The following ABCC4 variants were observed in gnomAD, a reference collection of about 807,000 sequenced individuals.
The protein encoded by ABCC4 is ATP binding cassette subfamily C member 4 (PEL blood group).
In ABCC4, 102 loss-of-function variants were observed where a neutral mutation model predicts 168.5. The observed-to-expected ratio is 0.61, with a 90% CI of 0.52 to 0.71. ABCC4 has a LOEUF of 0.71. Among genes scored for constraint, ABCC4 ranks in the 30% least tolerant of loss-of-function variants. The pLI, the probability that ABCC4 is intolerant of heterozygous loss-of-function variation, is 0.00. For synonymous variants in ABCC4, 617 were observed against 590.7 expected (o/e 1.04, Z -0.65); for missense variants, 1,402 against 1,605.8 (o/e 0.87, Z 2.17).
chr13:95,186,746 T>C lies in ABCC4; in HGVS notation c.1500A>G (p.Glu500=). 1 of 1,614,126 alleles carries C rather than the reference T, an allele frequency of 6.2e-7. No individual in the cohort carries two copies. Among genetic ancestry groups the C allele is most frequent in the Non-Finnish European group, 8.5e-7 (1 of 1,180,020 alleles). The change falls in exon 11 of 31, where the codon GAA becomes GAG. Residue 500 remains glutamate (E), a synonymous_variant. Coordinates refer to ENST00000645237, the MANE Select transcript of ABCC4 (RefSeq NM_005845.5). ...TTATGACTTTTTCATATCGTTCCTTTTCGTATTTCTTCCCAAATAAAATAT... is the reference window on the plus strand; with the variant it reads ...TTATGACTTTTTCATATCGTTCCTTCTCGTATTTCTTCCCAAATAAAATAT... ...RSNILFGKKY[E]KERYEKVIKA...
rs780430521 is a variant in ABCC4 at position 95,178,040 on chromosome 13, T to C, written c.1597A>G (p.Thr533Ala). The C allele has an allele frequency of 1.9e-6, 3 of 1,614,200 alleles. No individual in the cohort carries two copies. The highest frequency in any genetic ancestry group is 2.5e-6 in the Non-Finnish European group (3 of 1,180,026). Residue 533 changes from threonine to alanine, a missense_variant, in exon 12 of 31, where the codon ACC becomes GCC. Physicochemically the swap from Thr to Ala is moderately conservative, Grantham distance 58. Around this residue, in one of 3 missense-constraint regions of ABCC4, gnomAD observed 1,007 missense variants for 1,127.3 expected, o/e 0.89. Coordinates refer to ENST00000645237, the MANE Select transcript of ABCC4 (RefSeq NM_005845.5). ...GCTTTCTGCCCTCCACTCAGCGTGG[T>C]TCCCCGATCTCCTATCACAGTCAGA... is the stretch of plus-strand genomic sequence containing the variant. ...GDLTVIGDRG[T>A]TLSGGQKARV...
chr13:95,199,918 G>A (rs565568628), intron 8 of ABCC4, among the ~76,000 whole-genome samples: 32 of 152,180 alleles, frequency 2.1e-4, no homozygotes, highest in African/African-American at 7.0e-4. Flanking sequence ...CCACTACCAC[G>A]CACACAATGC....
intron 20 of ABCC4, among the ~76,000 whole-genome samples, chr13:95,097,485 G>C (rs1012023525): frequency 6.7e-6 from 1 of 149,954 alleles, no homozygotes; most frequent in African/African-American, 2.5e-5. Flanking sequence ...GTAAATGACA[G>C]AACAGTGGAC....
At chr13:95,286,718 A>T (rs143608622) in intron 1 of ABCC4, among the ~76,000 whole-genome samples, 2,518 of 152,150 alleles carry the variant, frequency 0.017, 64 homozygotes, top group African/African-American at 0.057. Context: ...GGACTTTAGA[A>T]GGCTGAGGCA....
At chr13:95,219,913 T>C (rs556500111) in intron 4 of ABCC4, among the ~76,000 whole-genome samples, 1 of 150,576 alleles carries the variant, frequency 6.6e-6, no homozygotes, top group South Asian at 2.1e-4. Context: ...TGGAGTGCAA[T>C]GGCATGATCT....
chr13:95,021,971 T>C (rs2031112057), intron 30 of ABCC4, among the ~76,000 whole-genome samples: 2 of 152,230 alleles, frequency 1.3e-5, no homozygotes, highest in Non-Finnish European at 2.9e-5. Context: ...GGAATCATTT[T>C]ACTGACTCAA....
rs753181401 is a variant in ABCC4 at position 95,177,676 on chromosome 13, C to A, written c.1727+31G>T. ...CCAACTCGAAATGGCTCTGGAAAAG[C>A]AGAAATGACTTAAGACACAAACACA... On this transcript the variant is annotated intron_variant, in intron 13 of 30. Coordinates refer to ENST00000645237, the MANE Select transcript of ABCC4 (RefSeq NM_005845.5). 5 of 1,578,648 alleles carry A rather than the reference C, an allele frequency of 3.2e-6. No individual in the cohort carries two copies. In the East Asian group the frequency reaches 9.0e-5, roughly 29 times the overall value.
chr13:95,132,879 C>T (rs2036018057), intron 19 of ABCC4, among the ~76,000 whole-genome samples: 1 of 151,844 alleles, frequency 6.6e-6, no homozygotes, highest in Admixed American at 6.6e-5. Context: ...AACTCAGAGA[C>T]AGAAAGTAGA....
chr13:95,021,379 A>T lies in ABCC4; in HGVS notation c.*196T>A. The T allele has an allele frequency of 1.9e-6, 1 of 519,906 alleles. No individual in the cohort carries two copies. The allele number at this position is 519,906 out of a possible 1,614,324, so 32.2% of individuals were successfully genotyped here. A position where few individuals can be genotyped will look rare whatever the true frequency, so the allele number is the denominator to read the frequency against. On this transcript the variant is annotated 3_prime_UTR_variant, in exon 31 of 31. Transcript: ENST00000645237. The stretch of plus-strand genomic sequence containing the variant: ...CTGATTTGGATTTTAAAAAACAACT[A>T]TTGACATTTAAATAAAAATAAACCA...
At position 95,166,497 on chromosome 13, in the gene ABCC4, C is replaced by T. The variant is rs1424478705; in HGVS notation, c.1825-130G>A. ...TACTTAGGTCCGGAATCCTAGTTGA[C>T]AAATCTAATACAATTCAACTTGATA... On this transcript the variant is annotated intron_variant, in intron 14 of 30. Coordinates refer to ENST00000645237, the MANE Select transcript of ABCC4 (RefSeq NM_005845.5). 7 of 741,578 alleles carry T rather than the reference C, an allele frequency of 9.4e-6. No individual in the cohort carries two copies. The East Asian group carries it at 1.9e-4, about 20-fold the overall frequency. 45.9% of individuals were successfully genotyped at this position (741,578 alleles called of 1,614,324 possible). A position where few individuals can be genotyped will look rare whatever the true frequency, so the allele number is the denominator to read the frequency against.
intron 21 of ABCC4, among the ~76,000 whole-genome samples, chr13:95,079,540 G>A (rs1478598402): frequency 2.0e-5 from 3 of 152,142 alleles, no homozygotes; most frequent in Non-Finnish European, 4.4e-5. Flanking sequence ...GAGGCATTAA[G>A]AACACTGCCC....
intron 3 of ABCC4, among the ~76,000 whole-genome samples, chr13:95,242,836 T>C (rs2039984362): frequency 6.6e-6 from 1 of 152,098 alleles, no homozygotes; most frequent in Admixed American, 6.6e-5. Context: ...ACAATAGTAT[T>C]TATACTAGAA....
intron 1 of ABCC4, among the ~76,000 whole-genome samples, chr13:95,255,194 G>A (rs2040363428): frequency 6.6e-6 from 1 of 152,188 alleles, no homozygotes; most frequent in African/African-American, 2.4e-5. Context: ...GGGGAGGAAG[G>A]AATGGTGTAG....
At chr13:95,124,043 G>A (rs1002515538) in intron 19 of ABCC4, among the ~76,000 whole-genome samples, 16 of 152,186 alleles carry the variant, frequency 1.1e-4, no homozygotes, top group Non-Finnish European at 1.5e-5. Context: ...CATGACCTAA[G>A]GTGTGCTGAT....
At chr13:95,124,034 A>G (rs1268892782) in intron 19 of ABCC4, among the ~76,000 whole-genome samples, 2 of 152,200 alleles carry the variant, frequency 1.3e-5, no homozygotes, top group African/African-American at 4.8e-5. Context: ...TGGGAAGAGC[A>G]TGACCTAAGG....
intron 4 of ABCC4, among the ~76,000 whole-genome samples, chr13:95,217,587 CTGGG>C (rs2039156422): frequency 2.0e-5 from 3 of 152,062 alleles, no homozygotes; most frequent in Non-Finnish European, 4.4e-5. Flanking sequence ...CAAAAATTAG[CTGGG>C]CATGGTGGCG....
At chr13:95,258,079 C>CT (rs2040437553) in intron 1 of ABCC4, among the ~76,000 whole-genome samples, 1 of 152,132 alleles carries the variant, frequency 6.6e-6, no homozygotes, top group African/African-American at 2.4e-5. Context: ...AACAAGAACC[C>CT]TTTCTCTCTA....
At chr13:95,150,026 G>A (rs1352215259) in intron 19 of ABCC4, among the ~76,000 whole-genome samples, 1 of 152,098 alleles carries the variant, frequency 6.6e-6, no homozygotes, top group Non-Finnish European at 1.5e-5. Flanking sequence ...GGCTTGGGGG[G>A]GCAATACAGT....
At position 95,053,149 on chromosome 13, in the gene ABCC4, GT is replaced by G; in HGVS notation, c.3401del (p.Asn1134ThrfsTer37). On this transcript the variant is annotated frameshift_variant, in exon 27 of 31. Transcript: ENST00000645237. LOFTEE classifies it high-confidence loss of function. ...CCGTGTGCTCATTAAAGGGATCCAG[GT>G]TTTTCCTCATTGTTCCAGTGAACAA... ...PVLFTGTMRK[N>X]LDPFNEHTDE... 1 of 1,614,056 alleles carries G rather than the reference GT, an allele frequency of 6.2e-7. No individual in the cohort carries two copies. The highest frequency in any genetic ancestry group is 8.5e-7 in the Non-Finnish European group (1 of 1,179,984).
Sources: gnomAD v4.1 joint callset for allele counts (sites outside exome capture counted in the v4.1 genomes callset) on GRCh38, gnomAD v4.1.1 for gene constraint, gnomAD v4.1.1 regional missense constraint, MANE v1.5 for transcripts, NCBI Gene and HGNC (gene_info 2026-07-23, HGNC 2026-07-21) for gene names.